The following NXPE3 variants were observed in gnomAD, a reference collection of about 807,000 sequenced individuals.
The protein encoded by NXPE3 is NXPE family member 3.
Under a neutral mutation model 46.1 loss-of-function variants are expected in NXPE3, and 26 were observed. The ratio of observed to expected loss-of-function variants is 0.56; its 90% CI spans 0.41 to 0.78. NXPE3 has a LOEUF of 0.78. Ranked by LOEUF, NXPE3 falls within the 30% of genes least tolerant of loss-of-function variation. The pLI, the probability that NXPE3 is intolerant of heterozygous loss-of-function variation, is 0.00. For synonymous variants in NXPE3, 272 were observed against 257.9 expected (o/e 1.05, Z -0.52); for missense variants, 620 against 686.0 (o/e 0.90, Z 1.07).
At chr3:101,794,279 C>G (rs912670853) in intron 4 of NXPE3, among the ~76,000 whole-genome samples, 1 of 151,948 alleles carries the variant, frequency 6.6e-6, no homozygotes, top group African/African-American at 2.4e-5. Flanking sequence ...AGCATATAAC[C>G]TTTTATAGGA....
At chr3:101,794,577 C>T (rs1331379667) in intron 4 of NXPE3, among the ~76,000 whole-genome samples, 5 of 152,184 alleles carry the variant, frequency 3.3e-5, no homozygotes, top group African/African-American at 4.8e-5. Context: ...CAATAAATTT[C>T]AAGACCTTAA....
intron 5 of NXPE3, among the ~76,000 whole-genome samples, chr3:101,806,781 C>T (rs2290859): frequency 0.31 from 46,794 of 152,070 alleles, 7,406 homozygotes; most frequent in Non-Finnish European, 0.34. Context: ...TAATTCAAAC[C>T]AGAATTGGTC....
chr3:101,804,591 A>G (rs1296192163), intron 5 of NXPE3, among the ~76,000 whole-genome samples: 1 of 152,224 alleles, frequency 6.6e-6, no homozygotes, highest in African/African-American at 2.4e-5. Flanking sequence ...AAAGATTGAA[A>G]TTGATTTTTT....
chr3:101,782,588 T>C (rs1005745720), intron 2 of NXPE3, 72 bp from the exon 3 acceptor site: 1 of 152,186 alleles, frequency 6.6e-6, no homozygotes, highest in Non-Finnish European at 1.5e-5. Context: ...GTTTCTGCTA[T>C]GTCTCATCTT....
At chr3:101,799,892 TG>T (rs1381919205) in intron 4 of NXPE3, among the ~76,000 whole-genome samples, 1 of 152,164 alleles carries the variant, frequency 6.6e-6, no homozygotes, top group African/African-American at 2.4e-5. Context: ...TTAATGTCCA[TG>T]GGATCTGTAG....
Position 101,816,862 on chromosome 3 carries a change from G to A in NXPE3, c.990G>A (p.Gln330=). ...CTTCTGGGTATTATTATAAAGACCA[G>A]TGGAGGCCCAGAAAGTTTAAGATGC... ...TFPSGYYYKD[Q]WRPRKFKMRQ... Residue 330 remains glutamine (Q), a synonymous_variant, in exon 7 of 8, where the codon CAG becomes CAA. Coordinates refer to ENST00000273347, the MANE Select transcript of NXPE3 (RefSeq NM_145037.4). 6.2e-7 allele frequency: 1 copy of A among 1,614,116 alleles called. No individual in the cohort carries two copies. The highest frequency in any genetic ancestry group is 8.5e-7 in the Non-Finnish European group (1 of 1,179,986).
intron 7 of NXPE3, among the ~76,000 whole-genome samples, chr3:101,817,853 G>A (rs947644054): frequency 6.2e-4 from 95 of 152,198 alleles, no homozygotes; most frequent in African/African-American, 2.2e-3. Flanking sequence ...GTTTGTGATT[G>A]TTTTTATCAG....
At chr3:101,821,302 A>T in intron 7 of NXPE3, 102 bp from the exon 8 acceptor site, 7 of 873,614 alleles carry the variant, frequency 8.0e-6, no homozygotes, top group African/African-American at 3.6e-5. Context: ...TTTTTGTTGT[A>T]CTTAAAAAAA....
At chr3:101,809,012 A>T (rs927275642) in intron 6 of NXPE3, among the ~76,000 whole-genome samples, 1 of 151,436 alleles carries the variant, frequency 6.6e-6, no homozygotes, top group African/African-American at 2.4e-5. Flanking sequence ...TTCTTCTCAC[A>T]GACTCGACTG....
Position 101,821,977 on chromosome 3 carries a change from G to T in NXPE3, c.*23G>T. On this transcript the variant is annotated 3_prime_UTR_variant, in exon 8 of 8. Coordinates refer to ENST00000273347, the MANE Select transcript of NXPE3 (RefSeq NM_145037.4). ...TAGCCTGTCTTGGAAGGGACTGGAG[G>T]AATCATATTCAATGACCTTCTCAAT... 1 of 1,597,100 alleles carries T rather than the reference G, an allele frequency of 6.3e-7. No homozygotes were observed. Among genetic ancestry groups the T allele is most frequent in the Non-Finnish European group, 8.6e-7 (1 of 1,167,774 alleles).
intron 4 of NXPE3, among the ~76,000 whole-genome samples, chr3:101,788,443 TCA>T (rs1257169747): frequency 6.6e-6 from 1 of 152,244 alleles, no homozygotes; most frequent in African/African-American, 2.4e-5. Flanking sequence ...ATCCAAGAAA[TCA>T]TCACCAAATT....
Position 101,816,799 on chromosome 3 carries a change from T to C in NXPE3, c.927T>C (p.Thr309=), listed in dbSNP as rs138787862. ...GTTTTTCTTTTTTCTTTGCAGAAACTAACAGTCTAGAACTATCTCAAGGCT... is the reference window on the plus strand; with the variant it reads ...GTTTTTCTTTTTTCTTTGCAGAAACCAACAGTCTAGAACTATCTCAAGGCT... ...VTVIPRRIKE[T]NSLELSQGSG... Residue 309 remains threonine, a synonymous_variant, in exon 7 of 8, where the codon ACT becomes ACC. Coordinates refer to ENST00000273347, the MANE Select transcript of NXPE3 (RefSeq NM_145037.4). 32 of 1,607,206 alleles carry C rather than the reference T, an allele frequency of 2.0e-5. No homozygotes were observed. In the African/African-American group the frequency reaches 3.4e-4, roughly 17 times the overall value.
chr3:101,786,827 A>G (rs1576727764), intron 4 of NXPE3, among the ~76,000 whole-genome samples: 1 of 152,202 alleles, frequency 6.6e-6, no homozygotes, highest in Non-Finnish European at 1.5e-5. Flanking sequence ...TAGGTGTACA[A>G]TTGAGTAGCA....
In NXPE3 at chr3:101,823,498, G is replaced by GGT. The variant is rs1389617652; in HGVS notation, c.*1548_*1549dup. The GGT allele has an allele frequency of 6.6e-6, 1 of 152,206 alleles. No homozygotes were observed. Among genetic ancestry groups the GGT allele is most frequent in the African/African-American group, 2.4e-5 (1 of 41,408 alleles). The allele number at this position is 152,206 out of a possible 1,614,324, so 9.4% of individuals were successfully genotyped here. A position where few individuals can be genotyped will look rare whatever the true frequency, so the allele number is the denominator to read the frequency against. On this transcript the variant is annotated 3_prime_UTR_variant, in exon 8 of 8. Transcript: ENST00000273347. ...ATGCAGAATTAAAGAGTCATGGCAGGGTGTGGTAGCTCAAGCCTGTAATCC... is the reference window on the plus strand; with the variant it reads ...ATGCAGAATTAAAGAGTCATGGCAGGGTGTGTGGTAGCTCAAGCCTGTAATCC...
At chr3:101,790,631 A>T (rs11706494) in intron 4 of NXPE3, among the ~76,000 whole-genome samples, 46,781 of 151,932 alleles carry the variant, frequency 0.31, 7,411 homozygotes, top group Non-Finnish European at 0.34. Flanking sequence ...CATGCTCTGT[A>T]GCCCAGGCTG....
chr3:101,799,352 T>G (rs1941013219), intron 4 of NXPE3, among the ~76,000 whole-genome samples: 1 of 152,224 alleles, frequency 6.6e-6, no homozygotes, highest in South Asian at 2.1e-4. Context: ...AGTCCTTTTA[T>G]TTCCCCAACA....
Position 101,801,774 on chromosome 3 carries a change from G to A in NXPE3, c.633G>A (p.Lys211=), listed in dbSNP as rs1941169626. The stretch of plus-strand genomic sequence containing the variant: ...ATAAACCAGACAGGGTCTATTTCAA[G>A]AGTCTCTTCCGTTCAGGAAGAATTT... ...QEDKPDRVYF[K]SLFRSGRISE... is the part of the protein sequence containing the mutation. Residue 211 remains lysine (K), a synonymous_variant, in exon 5 of 8, where the codon AAG becomes AAA. Coordinates refer to ENST00000273347, the MANE Select transcript of NXPE3 (RefSeq NM_145037.4). The A allele has an allele frequency of 6.2e-7, 1 of 1,614,232 alleles. No individual in the cohort carries two copies.
At chr3:101,796,090 T>A (rs541170799) in intron 4 of NXPE3, among the ~76,000 whole-genome samples, 1 of 152,364 alleles carries the variant, frequency 6.6e-6, no homozygotes, top group South Asian at 2.1e-4. Flanking sequence ...CAACCTCACC[T>A]GGTTCTCATA....
chr3:101,783,210 C>T (rs1433632584), intron 3 of NXPE3, among the ~76,000 whole-genome samples: 9 of 152,064 alleles, frequency 5.9e-5, no homozygotes, highest in Non-Finnish European at 1.2e-4. Context: ...TACAGGCACC[C>T]GCCACCACGC....
Sources: gnomAD v4.1 joint callset for allele counts (sites outside exome capture counted in the v4.1 genomes callset) on GRCh38, gnomAD v4.1.1 for gene constraint, MANE v1.5 for transcripts, NCBI Gene and HGNC (gene_info 2026-07-23, HGNC 2026-07-21) for gene names.